KIFAP3: variants seen among roughly 807,000 people sequenced by gnomAD.
The protein encoded by KIFAP3 is kinesin associated protein 3, also known as kinesin-associated protein 3.
In KIFAP3, 68 loss-of-function variants were observed where a neutral mutation model predicts 106.5. The observed-to-expected ratio is 0.64, with a 90% confidence interval of 0.53 to 0.78. KIFAP3 has a LOEUF of 0.78. Among genes scored for constraint, KIFAP3 ranks in the 30% least tolerant of loss-of-function variants. The pLI is 0.00. For missense variants in KIFAP3, 780 were observed against 941.8 expected, an observed-to-expected ratio of 0.83 and a Z score of 2.25; for synonymous variants, 320 against 311.5, an observed-to-expected ratio of 1.03 and a Z score of -0.29.
intron 10 of KIFAP3, among the ~76,000 whole-genome samples, chr1:170,007,442 G>A (rs1668022137): frequency 6.6e-6 from 1 of 152,012 alleles, no homozygotes; most frequent in Non-Finnish European, 1.5e-5. Flanking sequence ...TTTGAGGAGA[G>A]TTGAAATGGG....
At chr1:170,043,390 T>C (rs992082382) in intron 3 of KIFAP3, among the ~76,000 whole-genome samples, 2 of 152,168 alleles carry the variant, frequency 1.3e-5, no homozygotes, top group African/African-American at 4.8e-5. Context: ...TAAAAGCCAC[T>C]GTAAGGTCTC....
intron 3 of KIFAP3, among the ~76,000 whole-genome samples, chr1:170,041,353 G>A (rs1669968551): frequency 6.6e-6 from 1 of 151,908 alleles, no homozygotes; most frequent in Non-Finnish European, 1.5e-5. Flanking sequence ...ATTATTTTAA[G>A]AGCACCAGCT....
intron 1 of KIFAP3, among the ~76,000 whole-genome samples, chr1:170,070,444 G>A (rs538817290): frequency 7.2e-5 from 11 of 152,096 alleles, no homozygotes; most frequent in South Asian, 6.2e-4. Flanking sequence ...ACTAGCACAC[G>A]GACAGATAGA....
At chr1:170,029,200 T>C (rs1025157006) in intron 8 of KIFAP3, among the ~76,000 whole-genome samples, 1 of 152,136 alleles carries the variant, frequency 6.6e-6, no homozygotes, top group African/African-American at 2.4e-5. Context: ...ACATCCTATA[T>C]CTTTATGTCC....
At chr1:170,019,737 A>G (rs1668711777) in intron 9 of KIFAP3, among the ~76,000 whole-genome samples, 2 of 152,242 alleles carry the variant, frequency 1.3e-5, no homozygotes, top group Admixed American at 6.5e-5. Context: ...ATCATGCTCA[A>G]TAGTGAAAGA....
upstream of KIFAP3, among the ~76,000 whole-genome samples, chr1:170,075,512 C>G (rs924415280): frequency 6.6e-6 from 1 of 152,160 alleles, no homozygotes; most frequent in Non-Finnish European, 1.5e-5. Flanking sequence ...GAGACGTGCA[C>G]GTAGTTGCTC....
chr1:170,062,692 T>C (rs1466644689), intron 1 of KIFAP3, among the ~76,000 whole-genome samples: 1 of 152,192 alleles, frequency 6.6e-6, no homozygotes. Context: ...TTACACTTTT[T>C]TTTTGGTAGA....
At chr1:169,946,006 G>T (rs1010173337) in intron 19 of KIFAP3, among the ~76,000 whole-genome samples, 1 of 152,142 alleles carries the variant, frequency 6.6e-6, no homozygotes, top group African/African-American at 2.4e-5. Flanking sequence ...TTAGAAAGAA[G>T]CTGTCTCTCT....
chr1:169,928,338 T>A (rs529172868), intron 19 of KIFAP3, among the ~76,000 whole-genome samples: 299 of 152,106 alleles, frequency 2.0e-3, no homozygotes, highest in Admixed American at 4.9e-3. Context: ...GACCTCATGA[T>A]CCACCCATTT....
At chr1:169,960,032 A>G (rs1452041440) in intron 18 of KIFAP3, among the ~76,000 whole-genome samples, 1 of 152,122 alleles carries the variant, frequency 6.6e-6, no homozygotes, top group Non-Finnish European at 1.5e-5. Flanking sequence ...AAAATAATAC[A>G]TAATATCTAT....
At chr1:170,024,195 T>G (rs759932937) in intron 9 of KIFAP3, 29 of 349,312 alleles carry the variant, frequency 8.3e-5, no homozygotes, top group Non-Finnish European at 1.4e-4. Context: ...AGATCCATTC[T>G]ATATATTAGA....
At chr1:170,082,282 A>G (rs1487238846) in intron 1 of KIFAP3, among the ~76,000 whole-genome samples, 1 of 152,268 alleles carries the variant, frequency 6.6e-6, no homozygotes, top group Non-Finnish European at 1.5e-5. Flanking sequence ...GATATATGCA[A>G]CATAAATAAA....
chr1:169,936,737 T>C (rs1366647964), intron 19 of KIFAP3, among the ~76,000 whole-genome samples: 1 of 151,564 alleles, frequency 6.6e-6, no homozygotes, highest in East Asian at 1.9e-4. Flanking sequence ...CCACATAGCA[T>C]GCTCTTTACA....
At chr1:170,064,024 A>G (rs1350126492) in intron 1 of KIFAP3, among the ~76,000 whole-genome samples, 1 of 152,122 alleles carries the variant, frequency 6.6e-6, no homozygotes, top group East Asian at 1.9e-4. Flanking sequence ...TGCATTTGTA[A>G]ATAACTTTTT....
intron 18 of KIFAP3, among the ~76,000 whole-genome samples, chr1:169,955,690 ATAT>A (rs1216155617): frequency 2.6e-5 from 4 of 152,162 alleles, no homozygotes; most frequent in Non-Finnish European, 5.9e-5. Flanking sequence ...TATTAATGAC[ATAT>A]TATTATTTAA....
intron 10 of KIFAP3, among the ~76,000 whole-genome samples, chr1:169,993,452 T>C (rs1371488169): frequency 6.6e-6 from 1 of 151,732 alleles, no homozygotes; most frequent in African/African-American, 2.4e-5. Flanking sequence ...AACATGGAAG[T>C]TGTTCAGTAA....
chr1:170,033,060 C>A (rs1237533294), intron 7 of KIFAP3, among the ~76,000 whole-genome samples: 1 of 151,738 alleles, frequency 6.6e-6, no homozygotes, highest in Non-Finnish European at 1.5e-5. Context: ...CTGAAGCATT[C>A]AGGAGTCTTG....
chr1:170,075,253 G>A (rs1671875898), upstream of KIFAP3, among the ~76,000 whole-genome samples: 1 of 152,222 alleles, frequency 6.6e-6, no homozygotes, highest in Non-Finnish European at 1.5e-5. Flanking sequence ...GCAGTGCAGG[G>A]CATAGGAAAG....
At chr1:169,925,572 G>A (rs1663090783) in intron 19 of KIFAP3, among the ~76,000 whole-genome samples, 1 of 151,718 alleles carries the variant, frequency 6.6e-6, no homozygotes, top group African/African-American at 2.4e-5. Context: ...ATATTTGCAA[G>A]ACTTCAAACA....
Sources: allele counts gnomAD v4.1 joint callset (sites outside exome capture counted in the v4.1 genomes callset), GRCh38; gene constraint gnomAD v4.1.1; transcripts MANE v1.5; gene names NCBI Gene and HGNC (gene_info 2026-07-23, HGNC 2026-07-21).